CHST13: variants seen among roughly 807,000 people sequenced by gnomAD.
CHST13 encodes carbohydrate sulfotransferase 13.
In CHST13, 1 loss-of-function variant was observed where a neutral mutation model predicts 7.0. The observed-to-expected ratio is 0.14, with a 90% CI of 0.05 to 0.68. The LOEUF is 0.68. Among genes scored for constraint, CHST13 ranks in the 30% least tolerant of loss-of-function variants. The pLI, the probability that CHST13 is intolerant of heterozygous loss-of-function variation, is 0.82. For synonymous variants in CHST13, 257 were observed against 240.9 expected, an observed-to-expected ratio of 1.07 and a Z score of -0.62; for missense variants, 572 against 507.9, an observed-to-expected ratio of 1.13 and a Z score of -1.21.
chr3:126,542,684 G>C lies in CHST13; in HGVS notation c.*106G>C, dbSNP rs1451556720. The C allele has an allele frequency of 2.9e-6, 4 of 1,360,588 alleles. No homozygotes were observed. In the African/African-American group the frequency reaches 4.6e-5, roughly 16 times the overall value. The allele number at this position is 1,360,588 out of a possible 1,614,324, so 84.3% of individuals were successfully genotyped here. ...AGGACCCCTCTTCAAGAGCCACTGC[G>C]TGCACTCACCTGGCCGCCGGGCCAG... On this transcript the variant is annotated 3_prime_UTR_variant, in exon 3 of 3. Transcript: ENST00000319340.
chr3:126,539,711 GCCACACACACCCCCCACA>G (rs935838569), intron 2 of CHST13, among the ~76,000 whole-genome samples: 3 of 47,272 alleles, frequency 6.3e-5, no homozygotes, highest in African/African-American at 8.9e-5. Context: ...ACACACATAT[GCCACACACACCCCCCACA>G]CCACACACAC....
At chr3:126,529,443 A>T in intron 1 of CHST13, 1 of 1,255,222 alleles carries the variant, frequency 8.0e-7, no homozygotes, top group South Asian at 1.3e-5. Flanking sequence ...CATGGGTGTT[A>T]AGGGTGCAGA....
At chr3:126,525,446 C>T (rs1936519565) in intron 1 of CHST13, among the ~76,000 whole-genome samples, 1 of 152,148 alleles carries the variant, frequency 6.6e-6, no homozygotes, top group African/African-American at 2.4e-5. Flanking sequence ...CCCCTTGCCC[C>T]TTGTGTGTCC....
chr3:126,540,739 C>T (rs910824479), intron 2 of CHST13, among the ~76,000 whole-genome samples: 3 of 152,156 alleles, frequency 2.0e-5, no homozygotes, highest in Non-Finnish European at 2.9e-5. Flanking sequence ...ATGCCTAGGA[C>T]CGGAATTGCT....
At position 126,543,211 on chromosome 3, in the gene CHST13, C is replaced by T. The variant is rs1387265147; in HGVS notation, c.*633C>T. ...CTCCATGCCAACAGAGCCCCTGGTG[C>T]AATGCGGTCACAGGTTTTATGGGAC... On this transcript the variant is annotated 3_prime_UTR_variant, in exon 3 of 3. Transcript: ENST00000319340. The T allele has an allele frequency of 6.6e-6, 1 of 152,246 alleles. No homozygotes were observed. Among genetic ancestry groups the T allele is most frequent in the African/African-American group, 2.4e-5 (1 of 41,444 alleles). The allele number at this position is 152,246 out of a possible 1,614,324, so 9.4% of individuals were successfully genotyped here.
At chr3:126,530,662 A>G (rs889192278) in intron 1 of CHST13, among the ~76,000 whole-genome samples, 6 of 152,154 alleles carry the variant, frequency 3.9e-5, no homozygotes, top group African/African-American at 1.4e-4. Flanking sequence ...CTCAGGCCAC[A>G]CCCAGCCTGG....
rs1560140486 is a variant in CHST13, at chr3:126,536,366, A to G, written c.180+13A>G. 1 of 1,606,434 alleles carries G rather than the reference A, an allele frequency of 6.2e-7. No individual in the cohort carries two copies. The highest frequency in any genetic ancestry group is 8.5e-7 in the Non-Finnish European group (1 of 1,173,726). ...TGACCTGGATCAGGTAGGTGGACAG[A>G]CCCTCGACCCAGGCATGCCCCCCTC... On this transcript the variant is annotated intron_variant, in intron 2 of 2. Transcript: ENST00000319340.
At chr3:126,525,788 C>CA (rs1936526434) in intron 1 of CHST13, among the ~76,000 whole-genome samples, 1 of 152,170 alleles carries the variant, frequency 6.6e-6, no homozygotes, top group African/African-American at 2.4e-5. Flanking sequence ...TGAGTGACTG[C>CA]ATGGAGTGTC....
chr3:126,535,945 G>A (rs1936780350), intron 1 of CHST13, among the ~76,000 whole-genome samples: 1 of 152,240 alleles, frequency 6.6e-6, no homozygotes. Context: ...ATGGCAGTGG[G>A]TGAGTTTGGG....
chr3:126,541,374 C>T (rs1018036556), intron 2 of CHST13, among the ~76,000 whole-genome samples: 2 of 152,222 alleles, frequency 1.3e-5, no homozygotes, highest in African/African-American at 4.8e-5. Flanking sequence ...GCTTCTTATG[C>T]AGCCTCCTGC....
At position 126,542,313 on chromosome 3, in the gene CHST13, G is replaced by C; in HGVS notation, c.761G>C (p.Cys254Ser). 1 of 1,568,536 alleles carries C rather than the reference G, an allele frequency of 6.4e-7. No homozygotes were observed. Among genetic ancestry groups the C allele is most frequent in the Non-Finnish European group, 8.6e-7 (1 of 1,160,898 alleles). ...NEHWERAHALCHPCRLRYDVV... is the reference protein window; with the variant it reads ...NEHWERAHALSHPCRLRYDVV... ...CACTGGGAGCGCGCGCACGCGCTCT[G>C]CCACCCGTGTCGCCTCCGCTACGAC... The change falls in exon 3 of 3, where the codon TGC (cysteine) becomes TCC (serine). Residue 254 changes from cysteine (C) to serine (S), a missense_variant. Coordinates refer to ENST00000319340, the MANE Select transcript of CHST13 (RefSeq NM_152889.3).
chr3:126,540,943 C>G (rs1936944545), intron 2 of CHST13, among the ~76,000 whole-genome samples: 1 of 152,198 alleles, frequency 6.6e-6, no homozygotes, highest in South Asian at 2.1e-4. Flanking sequence ...CTTTTATGAA[C>G]TCTTACACAA....
At chr3:126,533,892 T>C (rs1560138930) in intron 1 of CHST13, among the ~76,000 whole-genome samples, 1 of 152,204 alleles carries the variant, frequency 6.6e-6, no homozygotes, top group Non-Finnish European at 1.5e-5. Context: ...TAATTCAACA[T>C]CTTGACTTGT....
chr3:126,539,580 C>T (rs1366233285), intron 2 of CHST13, among the ~76,000 whole-genome samples: 1 of 142,958 alleles, frequency 7.0e-6, no homozygotes, highest in Non-Finnish European at 1.5e-5. Context: ...CACATATGTA[C>T]CCCACACCAC....
intron 2 of CHST13, among the ~76,000 whole-genome samples, chr3:126,537,036 T>C (rs567153529): frequency 6.6e-6 from 1 of 152,118 alleles, no homozygotes; most frequent in Non-Finnish European, 1.5e-5. Context: ...GTCCCTCCCC[T>C]AGTGGAGCCA....
At chr3:126,530,460 G>GC (rs1159164321) in intron 1 of CHST13, among the ~76,000 whole-genome samples, 1 of 152,200 alleles carries the variant, frequency 6.6e-6, no homozygotes, top group Non-Finnish European at 1.5e-5. Context: ...CACTGCAACT[G>GC]CCCCTCCACC....
At chr3:126,528,345 T>C (rs1936577049) in intron 1 of CHST13, among the ~76,000 whole-genome samples, 1 of 152,112 alleles carries the variant, frequency 6.6e-6, no homozygotes, top group Non-Finnish European at 1.5e-5. Context: ...AAAGTCCCCT[T>C]CCATGTAGAT....
chr3:126,542,580 G>A lies in CHST13; in HGVS notation c.*2G>A. On this transcript the variant is annotated 3_prime_UTR_variant, in exon 3 of 3. Coordinates refer to ENST00000319340, the MANE Select transcript of CHST13 (RefSeq NM_152889.3). ...CCCTCCTACCTGCGGCTGCTCTAGCGGTCCTGGAGGTCCTGTGGCCACGCG... is the reference window on the plus strand; with the variant it reads ...CCCTCCTACCTGCGGCTGCTCTAGCAGTCCTGGAGGTCCTGTGGCCACGCG... 1.4e-6 allele frequency: 2 copies of A among 1,467,694 alleles called. No homozygotes were observed. Among genetic ancestry groups the A allele is most frequent in the African/African-American group, 1.5e-5 (1 of 67,656 alleles). The allele number at this position is 1,467,694 out of a possible 1,614,324, so 90.9% of individuals were successfully genotyped here.
rs1039361311 is a variant in CHST13, at chr3:126,541,932, T to A, written c.380T>A (p.Leu127Gln). ...CTNWKRVLLA[L>Q]SGQARGDPRA... is the part of the protein sequence containing the mutation. ...AACTGGAAGCGCGTGCTGCTGGCGC[T>A]GAGCGGCCAAGCCCGCGGCGACCCG... Residue 127 changes from leucine (L) to glutamine (Q), a missense_variant, in exon 3 of 3, where the codon CTG (leucine) becomes CAG (glutamine). Leu to Gln is a moderately radical substitution (Grantham distance 113). Transcript: ENST00000319340. 1 of 1,594,010 alleles carries A rather than the reference T, an allele frequency of 6.3e-7. No homozygotes were observed. The highest frequency in any genetic ancestry group is 1.4e-5 in the African/African-American group (1 of 73,280).
Sources: gnomAD v4.1 joint callset for allele counts (sites outside exome capture counted in the v4.1 genomes callset) on GRCh38, gnomAD v4.1.1 for gene constraint, MANE v1.5 for transcripts, NCBI Gene and HGNC (gene_info 2026-07-23, HGNC 2026-07-21) for gene names.